RBM19: variants seen among roughly 807,000 people sequenced by gnomAD.
RBM19 encodes the protein probable RNA-binding protein 19.
RBM19 carries 94 observed loss-of-function variants against 116.8 expected under a neutral mutation model. The observed-to-expected ratio is 0.80, with a 90% CI of 0.68 to 0.95. The LOEUF (loss-of-function observed/expected upper bound fraction) is 0.95. Ranked by LOEUF, RBM19 falls within the 40% of genes least tolerant of loss-of-function variation. RBM19 has a pLI of 0.00. For synonymous variants in RBM19, 475 were observed against 494.1 expected (o/e 0.96, Z 0.51); for missense variants, 1,161 against 1,220.7 (o/e 0.95, Z 0.73).
chr12:113,858,697 G>T, intron 22 of RBM19, 94 bp downstream of exon 22: 1 of 1,169,158 alleles, frequency 8.6e-7, no homozygotes, highest in South Asian at 1.3e-5. Context: ...ATGGGGAGGT[G>T]ACTCTGTGTG....
intron 21 of RBM19, among the ~76,000 whole-genome samples, chr12:113,877,209 T>C (rs1261977162): frequency 6.6e-6 from 1 of 152,230 alleles, no homozygotes; most frequent in Non-Finnish European, 1.5e-5. Context: ...CCTCCTCTGA[T>C]ACACCAGTGA....
chr12:113,831,256 G>A (rs1422137380), intron 23 of RBM19, among the ~76,000 whole-genome samples: 2 of 152,184 alleles, frequency 1.3e-5, no homozygotes, highest in African/African-American at 4.8e-5. Context: ...TGTGGTCTCT[G>A]CTCTTTTCTC....
chr12:113,932,996 C>T (rs1306162881), intron 16 of RBM19, among the ~76,000 whole-genome samples: 1 of 152,100 alleles, frequency 6.6e-6, no homozygotes, highest in Non-Finnish European at 1.5e-5. Flanking sequence ...CTCCCCTTTC[C>T]CGGCTCTCGG....
At chr12:113,897,203 C>T (rs112482010) in intron 21 of RBM19, among the ~76,000 whole-genome samples, 4,250 of 152,312 alleles carry the variant, frequency 0.028, 87 homozygotes, top group Non-Finnish European at 0.038. Flanking sequence ...GAGTCTCGCT[C>T]TGTCGCCCAG....
At chr12:113,828,932 G>T (rs1230024516) in intron 23 of RBM19, among the ~76,000 whole-genome samples, 1 of 152,158 alleles carries the variant, frequency 6.6e-6, no homozygotes, top group Admixed American at 6.5e-5. Flanking sequence ...TACTCTTCAG[G>T]AGACTGGCCT....
chr12:113,951,377 T>C (rs774695786), intron 8 of RBM19, among the ~76,000 whole-genome samples: 1 of 152,112 alleles, frequency 6.6e-6, no homozygotes, highest in Non-Finnish European at 1.5e-5. Flanking sequence ...TGAAGTGCCA[T>C]AAAACCAAGG....
chr12:113,870,848 A>G (rs1593510783), intron 21 of RBM19, among the ~76,000 whole-genome samples: 1 of 152,210 alleles, frequency 6.6e-6, no homozygotes, highest in African/African-American at 2.4e-5. Context: ...TTCGTGACAT[A>G]GCAGTTTGTG....
chr12:113,837,633 T>C (rs972271165), intron 23 of RBM19, among the ~76,000 whole-genome samples: 1 of 152,186 alleles, frequency 6.6e-6, no homozygotes, highest in Non-Finnish European at 1.5e-5. Flanking sequence ...TGAGGACACA[T>C]TCAGGTAAAA....
intron 16 of RBM19, among the ~76,000 whole-genome samples, chr12:113,935,979 T>C (rs1870023198): frequency 1.3e-5 from 2 of 151,708 alleles, no homozygotes; most frequent in African/African-American, 4.8e-5. Flanking sequence ...GAGGTTGCAG[T>C]GAGCCAAGAT....
intron 16 of RBM19, among the ~76,000 whole-genome samples, chr12:113,929,004 A>G (rs1869369383): frequency 6.6e-6 from 1 of 152,092 alleles, no homozygotes; most frequent in African/African-American, 2.4e-5. Context: ...TTCTAAGCAG[A>G]TGACCAGTGA....
chr12:113,936,879 T>C, intron 16 of RBM19, 128 bp downstream of exon 16: 1 of 1,271,254 alleles, frequency 7.9e-7, no homozygotes, highest in Non-Finnish European at 1.1e-6. Flanking sequence ...GTCTGAGCCC[T>C]GCTGGTCTCT....
At position 113,959,309 on chromosome 12, in the gene RBM19, G is replaced by A. The variant is rs1344131516; in HGVS notation, c.474C>T (p.Pro158=). 1.9e-6 allele frequency: 3 copies of A among 1,613,964 alleles called. No individual in the cohort carries two copies. Among genetic ancestry groups the A allele is most frequent in the Non-Finnish European group, 2.5e-6 (3 of 1,179,988 alleles). The change falls in exon 5 of 24, where the codon CCC becomes CCT. Residue 158 remains proline (P), a synonymous_variant. Coordinates refer to ENST00000261741, the MANE Select transcript of RBM19 (RefSeq NM_016196.4). ...TWANDGLDAE[P]SKGKSKPASD... is the part of the protein sequence containing the mutation. ...TGGCCGGCTTGCTCTTCCCTTTCGA[G>A]GGCTCAGCATCCAGGCCATCATTCG... is the stretch of plus-strand genomic sequence containing the variant.
chr12:113,937,923 T>C (rs1870219186), intron 15 of RBM19, among the ~76,000 whole-genome samples: 1 of 152,296 alleles, frequency 6.6e-6, no homozygotes, highest in Middle Eastern at 3.4e-3. Context: ...TCCTACTCCA[T>C]GAAAGCCTTG....
chr12:113,883,078 CAG>C lies in RBM19; in HGVS notation c.2559-24184_2559-24183del, dbSNP rs1263624077. Among the ~76,000 whole-genome samples the C allele has an allele frequency of 4.6e-5, 7 of 152,120 alleles. No individual in the cohort carries two copies. In the South Asian group the frequency reaches 1.5e-3, roughly 32 times the overall value. On this transcript the variant is annotated intron_variant, in intron 21 of 23. Coordinates refer to ENST00000261741, the MANE Select transcript of RBM19 (RefSeq NM_016196.4). The stretch of plus-strand genomic sequence containing the variant: ...AGAGAGGGAAGGAGAGAGAGACAGA[CAG>C]AGAGAGGTTGTAGGGAACGAGGGAG...
chr12:113,906,430 AG>A (rs1882049774), intron 21 of RBM19, among the ~76,000 whole-genome samples: 1 of 152,186 alleles, frequency 6.6e-6, no homozygotes, highest in Non-Finnish European at 1.5e-5. Flanking sequence ...TGTTTTTCGA[AG>A]TTAAGAGAGT....
chr12:113,863,079 AG>A (rs1878520497), intron 21 of RBM19, among the ~76,000 whole-genome samples: 1 of 124,502 alleles, frequency 8.0e-6, no homozygotes, highest in Admixed American at 7.7e-5. Flanking sequence ...AGAAGGGAGG[AG>A]GGGGGAGGAG....
chr12:113,932,304 G>A (rs1435837649), intron 16 of RBM19, among the ~76,000 whole-genome samples: 2 of 152,234 alleles, frequency 1.3e-5, no homozygotes, highest in Non-Finnish European at 2.9e-5. Context: ...CAAGACCTGA[G>A]CCTGGGCCTG....
chr12:113,863,907 C>T (rs187019003), intron 21 of RBM19, among the ~76,000 whole-genome samples: 83 of 152,332 alleles, frequency 5.4e-4, no homozygotes, highest in South Asian at 1.0e-3. Context: ...TGCACATACA[C>T]GCACATCTGT....
chr12:113,920,689 T>G lies in RBM19; in HGVS notation c.2307A>C (p.Gly769=), dbSNP rs778393591. The change falls in exon 19 of 24, where the codon GGA becomes GGC. Residue 769 remains glycine, a splice_region_variant and synonymous_variant. Transcript: ENST00000261741. Reference sequence around the variant, plus strand: ...ATCCAAACCCCATGGAAAGGAGCACTCCTGAGAGAGAGAGGTGGAAATCAC... The same window carrying G: ...ATCCAAACCCCATGGAAAGGAGCACGCCTGAGAGAGAGAGGTGGAAATCAC... ...CSISKKKNKA[G]VLLSMGFGFV... is the part of the protein sequence containing the mutation. The G allele has an allele frequency of 6.8e-6, 11 of 1,613,504 alleles. No individual in the cohort carries two copies. The highest frequency in any genetic ancestry group is 9.3e-6 in the Non-Finnish European group (11 of 1,179,590).
Sources: gnomAD v4.1 joint callset for allele counts (sites outside exome capture counted in the v4.1 genomes callset) on GRCh38, gnomAD v4.1.1 for gene constraint, MANE v1.5 for transcripts, NCBI Gene and HGNC (gene_info 2026-07-23, HGNC 2026-07-21) for gene names.